LARGE1: variants seen among roughly 807,000 people sequenced by gnomAD.
LARGE1 encodes xylosyl- and glucuronyltransferase LARGE1.
A neutral mutation model predicts 87.6 loss-of-function variants in LARGE1; 43 were observed. That is an observed-to-expected ratio of 0.49 (90% CI 0.38 to 0.63). LARGE1 has a LOEUF of 0.63. LARGE1 is among the 30% of genes least tolerant of loss of function. LARGE1 has a pLI of 0.00. For missense variants in LARGE1, 802 were observed against 1,000.2 expected, an observed-to-expected ratio of 0.80 and a Z score of 2.67; for synonymous variants, 434 against 394.6, an observed-to-expected ratio of 1.10 and a Z score of -1.18.
the LARGE1 span, among the ~76,000 whole-genome samples, chr22:33,114,905 C>T: frequency 6.6e-6 from 1 of 152,086 alleles, no homozygotes; most frequent in Non-Finnish European, 1.5e-5. Flanking sequence ...CCAGAGTAAT[C>T]CTTATAAATC....
chr22:33,342,177 C>A (rs1939223025), intron 9 of LARGE1, among the ~76,000 whole-genome samples: 1 of 152,170 alleles, frequency 6.6e-6, no homozygotes, highest in Non-Finnish European at 1.5e-5. Flanking sequence ...CACTCACACC[C>A]AGTGGGGGGA....
chr22:33,829,851 T>C (rs1841811119), intron 1 of LARGE1, among the ~76,000 whole-genome samples: 1 of 152,124 alleles, frequency 6.6e-6, no homozygotes, highest in African/African-American at 2.4e-5. Context: ...CAGCCCGGGT[T>C]GGAGTTAACC....
chr22:33,764,161 T>C (rs1364960486), intron 1 of LARGE1, among the ~76,000 whole-genome samples: 2 of 152,090 alleles, frequency 1.3e-5, no homozygotes, highest in Non-Finnish European at 2.9e-5. Flanking sequence ...AATGAGGTTT[T>C]CATCTCTCTC....
intron 11 of LARGE1, among the ~76,000 whole-genome samples, chr22:33,172,146 GC>G (rs1922609559): frequency 6.6e-6 from 1 of 152,254 alleles, no homozygotes; most frequent in African/African-American, 2.4e-5. Flanking sequence ...GGGGCCTGTG[GC>G]CCCTTTGTTT....
the LARGE1 span, among the ~76,000 whole-genome samples, chr22:33,131,216 A>AT: frequency 6.6e-6 from 1 of 152,094 alleles, no homozygotes; most frequent in African/African-American, 2.4e-5. Flanking sequence ...TTAACCTGCT[A>AT]TTATAGCCCA....
chr22:33,453,138 C>T (rs1054524891), intron 6 of LARGE1, among the ~76,000 whole-genome samples: 13 of 152,118 alleles, frequency 8.5e-5, no homozygotes, highest in Admixed American at 5.2e-4. Flanking sequence ...TGTTTCAGGC[C>T]GGGCGTGGTG....
chr22:33,612,595 A>G (rs1367030271), intron 4 of LARGE1, among the ~76,000 whole-genome samples: 7 of 152,238 alleles, frequency 4.6e-5, no homozygotes, highest in African/African-American at 1.4e-4. Flanking sequence ...GGTCTGTGAA[A>G]GAACAATAGT....
intron 9 of LARGE1, among the ~76,000 whole-genome samples, chr22:33,374,996 T>C (rs546342711): frequency 1.3e-5 from 2 of 152,312 alleles, no homozygotes; most frequent in South Asian, 2.1e-4. Context: ...CTCTTAGATA[T>C]AGGTTAATAA....
chr22:33,450,068 C>T (rs376629960), intron 6 of LARGE1, among the ~76,000 whole-genome samples: 19 of 152,108 alleles, frequency 1.2e-4, no homozygotes, highest in Admixed American at 1.1e-3. Flanking sequence ...CCCGCCACCA[C>T]GCCCGGCTAA....
intron 6 of LARGE1, among the ~76,000 whole-genome samples, chr22:33,546,999 T>C (rs1437209442): frequency 2.0e-5 from 3 of 152,272 alleles, no homozygotes; most frequent in Non-Finnish European, 4.4e-5. Flanking sequence ...ATCTTGGCTC[T>C]GCCACTTGCC....
intron 1 of LARGE1, among the ~76,000 whole-genome samples, chr22:33,840,701 C>T (rs1020458505): frequency 2.0e-5 from 3 of 151,904 alleles, no homozygotes; most frequent in Non-Finnish European, 4.4e-5. Flanking sequence ...GAAAGGGTCT[C>T]GCTCAGTCAC....
intron 6 of LARGE1, among the ~76,000 whole-genome samples, chr22:33,511,086 T>C (rs1023444157): frequency 2.6e-5 from 4 of 152,224 alleles, no homozygotes; most frequent in African/African-American, 4.8e-5. Context: ...TGATGGGCCA[T>C]TAAATGACTG....
intron 2 of LARGE1, among the ~76,000 whole-genome samples, chr22:33,659,269 CCCT>C (rs1258037441): frequency 3.3e-5 from 5 of 152,138 alleles, no homozygotes; most frequent in South Asian, 4.1e-4. Context: ...TTAGAAAATG[CCCT>C]CCTTTTAATT....
At chr22:33,627,371 C>T (rs189945517) in intron 3 of LARGE1, among the ~76,000 whole-genome samples, 6 of 152,336 alleles carry the variant, frequency 3.9e-5, no homozygotes, top group South Asian at 2.1e-4. Flanking sequence ...GTCCTTTCTA[C>T]TGAAGCACAG....
chr22:33,375,118 A>G (rs2064949240), intron 9 of LARGE1, among the ~76,000 whole-genome samples: 1 of 152,236 alleles, frequency 6.6e-6, no homozygotes, highest in East Asian at 1.9e-4. Context: ...ATTGCATGAG[A>G]TTAAGTAACT....
At chr22:33,322,954 C>G (rs5994717) in intron 10 of LARGE1, 2 of 152,212 alleles carry the variant, frequency 1.3e-5, no homozygotes, top group African/African-American at 4.8e-5. Context: ...AACCCCGTCT[C>G]TACTAAAAAT....
chr22:33,732,109 A>G (rs2083491049), intron 2 of LARGE1: 1 of 152,226 alleles, frequency 6.6e-6, no homozygotes, highest in African/African-American at 2.4e-5. Flanking sequence ...GAGCTTCGGT[A>G]GCCCCAGGTT....
At chr22:33,623,291 G>A (rs1312722462) in intron 4 of LARGE1, among the ~76,000 whole-genome samples, 1 of 152,132 alleles carries the variant, frequency 6.6e-6, no homozygotes, top group Non-Finnish European at 1.5e-5. Context: ...AGTACTGAAA[G>A]GAGCCTTCAA....
In LARGE1 at chr22:33,816,155, C is replaced by T. The variant is rs367558578; in HGVS notation, c.-82-54597G>A. The stretch of plus-strand genomic sequence containing the variant: ...CTCAGCGAGCAACCTCTGTGGGCTG[C>T]GGGCGAAGAAATGAAGAGCAAAAAT... On this transcript the variant is annotated intron_variant, in intron 1 of 14. Transcript: ENST00000397394. Among the ~76,000 whole-genome samples the T allele has an allele frequency of 7.2e-5, 11 of 152,238 alleles. No individual in the cohort carries two copies. The South Asian group carries it at 2.3e-3, about 32-fold the overall frequency.
Sources: gnomAD v4.1 joint callset for allele counts (sites outside exome capture counted in the v4.1 genomes callset) on GRCh38, gnomAD v4.1.1 for gene constraint, MANE v1.5 for transcripts, NCBI Gene and HGNC (gene_info 2026-07-23, HGNC 2026-07-21) for gene names.